Variants in RAP1B observed in about 807,000 individuals in gnomAD.
RAP1B encodes ras-related protein Rap-1b.
In RAP1B, 1 loss-of-function variant was observed where a neutral mutation model predicts 27.5. The observed-to-expected ratio is 0.04, with a 90% CI of 0.01 to 0.17. The LOEUF (loss-of-function observed/expected upper bound fraction) is 0.17. RAP1B is among the 10% of genes least tolerant of loss of function. RAP1B has a pLI of 1.00. For missense variants in RAP1B, 84 were observed against 214.8 expected, an observed-to-expected ratio of 0.39 and a Z score of 3.81; for synonymous variants, 75 against 73.1, an observed-to-expected ratio of 1.03 and a Z score of -0.13.
chr12:68,612,019 T>C (rs1000826329), intron 1 of RAP1B, among the ~76,000 whole-genome samples: 1 of 152,224 alleles, frequency 6.6e-6, no homozygotes, highest in African/African-American at 2.4e-5. Flanking sequence ...TTTAATAGTT[T>C]AGAAAAACAT....
chr12:68,644,592 A>G lies in RAP1B; in HGVS notation c.-26-4107A>G, dbSNP rs561824933. ...GAGCAAGACTCCATCTCAAAAAAAA[A>G]AGTCGAGCAGTGATTCTCAACTGAA... On this transcript the variant is annotated intron_variant, in intron 1 of 7. Transcript: ENST00000250559. 5.3e-5 allele frequency among the ~76,000 whole-genome samples: 8 copies of G among 151,730 alleles called. No individual in the cohort carries two copies. The South Asian group carries it at 1.5e-3, about 28-fold the overall frequency.
At chr12:68,633,278 G>T (rs1006525811) in intron 1 of RAP1B, among the ~76,000 whole-genome samples, 2 of 151,726 alleles carry the variant, frequency 1.3e-5, no homozygotes, top group African/African-American at 4.8e-5. Flanking sequence ...TCCCCAGAGC[G>T]CCCTCACTTT....
chr12:68,650,139 C>A, intron 2 of RAP1B: 1 of 229,640 alleles, frequency 4.4e-6, no homozygotes, highest in Non-Finnish European at 8.4e-6. Context: ...GGACTGAAAC[C>A]AGAGACATTT....
rs138589260 is a variant in RAP1B at position 68,625,907 on chromosome 12, C to T, written c.-27+14864C>T. On this transcript the variant is annotated intron_variant, in intron 1 of 7. Transcript: ENST00000250559. The stretch of plus-strand genomic sequence containing the variant: ...GCTGCACTCCAGTCTGGCGATAGAG[C>T]GAGACTCTGTCTCAAAAAAAAAAAA... 2.8e-3 allele frequency among the ~76,000 whole-genome samples: 411 copies of T among 149,128 alleles called. 3 individuals carry two copies. The highest frequency in any genetic ancestry group is 9.4e-3 in the African/African-American group (375 of 40,018).
At chr12:68,644,686 CTTTT>C (rs535569981) in intron 1 of RAP1B, among the ~76,000 whole-genome samples, 1 of 109,114 alleles carries the variant, frequency 9.2e-6, no homozygotes. Context: ...TTAAAAGTTA[CTTTT>C]TTTTTTTTTT....
intron 3 of RAP1B, chr12:68,650,769 C>T (rs1335054014): frequency 5.3e-5 from 9 of 169,080 alleles, no homozygotes; most frequent in Non-Finnish European, 1.1e-4. Flanking sequence ...ACTGATTACT[C>T]TCAAGCTCCC....
chr12:68,632,057 TTTTC>T (rs1872277025), intron 1 of RAP1B, among the ~76,000 whole-genome samples: 1 of 151,850 alleles, frequency 6.6e-6, no homozygotes, highest in African/African-American at 2.4e-5. Flanking sequence ...CAGGTTTTTT[TTTTC>T]TTTTTCTTTT....
chr12:68,614,426 A>G (rs1381753339), intron 1 of RAP1B, among the ~76,000 whole-genome samples: 4 of 152,214 alleles, frequency 2.6e-5, no homozygotes, highest in African/African-American at 9.6e-5. Context: ...ATTGATCTGC[A>G]GTTTCTAGAT....
At chr12:68,613,724 G>A (rs1170046880) in intron 1 of RAP1B, among the ~76,000 whole-genome samples, 1 of 152,126 alleles carries the variant, frequency 6.6e-6, no homozygotes, top group African/African-American at 2.4e-5. Context: ...AGTGTAGCGC[G>A]TTGCCTGGGC....
At chr12:68,656,967 A>T (rs1257654194) in intron 6 of RAP1B, 134 bp from the exon 7 acceptor site, 26 of 768,244 alleles carry the variant, frequency 3.4e-5, no homozygotes, top group Non-Finnish European at 5.3e-5. Flanking sequence ...ACCTGATTTT[A>T]TTCTCATTCC....
rs986214896 is a variant in RAP1B at position 68,670,580 on chromosome 12, G to T, written c.*11331G>T. On this transcript the variant is annotated 3_prime_UTR_variant, in exon 8 of 8. Coordinates refer to ENST00000250559, the MANE Select transcript of RAP1B (RefSeq NM_001010942.3). ...AATAAGCCCATCAGAAGTCAAAAAT[G>T]TAAGTCGAAAATGCATTTAATACCC... The T allele has an allele frequency of 6.6e-6, 1 of 152,124 alleles. No homozygotes were observed. The highest frequency in any genetic ancestry group is 1.5e-5 in the Non-Finnish European group (1 of 68,008). The allele number at this position is 152,124 out of a possible 1,614,324, so 9.4% of individuals were successfully genotyped here.
At position 68,664,718 on chromosome 12, in the gene RAP1B, G is replaced by GAA. The variant is rs201403727; in HGVS notation, c.*5477_*5478dup. 7 of 150,608 alleles carry GAA rather than the reference G, an allele frequency of 4.6e-5. No homozygotes were observed. Among genetic ancestry groups the GAA allele is most frequent in the African/African-American group, 1.7e-4 (7 of 41,004 alleles). 9.3% of individuals were successfully genotyped at this position (150,608 alleles called of 1,614,324 possible). On this transcript the variant is annotated 3_prime_UTR_variant, in exon 8 of 8. Transcript: ENST00000250559. ...AGTGAGACTGCAAAAAAAAGAAAAA[G>GAA]AAAAAAAAATCCAGTCTCTGCTGGC... is the stretch of plus-strand genomic sequence containing the variant.
intron 1 of RAP1B, among the ~76,000 whole-genome samples, 195 bp downstream of exon 1, chr12:68,611,238 C>T (rs935161816): frequency 1.3e-5 from 2 of 148,246 alleles, no homozygotes; most frequent in African/African-American, 4.9e-5. Flanking sequence ...GAGCGCGCTG[C>T]CTTGCGGGCC....
intron 5 of RAP1B, among the ~76,000 whole-genome samples, chr12:68,654,616 T>TA (rs999196694): frequency 6.6e-6 from 1 of 152,014 alleles, no homozygotes; most frequent in African/African-American, 2.4e-5. Flanking sequence ...TAGCTGGGAC[T>TA]ACAGGCGCCT....
chr12:68,631,569 C>T (rs913866019), intron 1 of RAP1B, among the ~76,000 whole-genome samples: 1 of 152,120 alleles, frequency 6.6e-6, no homozygotes, highest in Non-Finnish European at 1.5e-5. Context: ...TTTTCCTATT[C>T]CTTTGTGCCC....
chr12:68,611,578 C>G (rs985448059), intron 1 of RAP1B, among the ~76,000 whole-genome samples: 4 of 152,120 alleles, frequency 2.6e-5, no homozygotes, highest in African/African-American at 7.2e-5. Flanking sequence ...TCGGGGGAAA[C>G]CACTCCCAGG....
At chr12:68,616,730 G>C (rs540015754) in intron 1 of RAP1B, among the ~76,000 whole-genome samples, 9 of 151,986 alleles carry the variant, frequency 5.9e-5, no homozygotes, top group Admixed American at 2.6e-4. Flanking sequence ...CACCGCGCCC[G>C]GCCAGGTTTT....
At chr12:68,619,877 T>C (rs1459283206) in intron 1 of RAP1B, among the ~76,000 whole-genome samples, 2 of 152,212 alleles carry the variant, frequency 1.3e-5, no homozygotes, top group African/African-American at 2.4e-5. Flanking sequence ...GATTAGATAA[T>C]AGTTATTTTT....
chr12:68,618,086 CTTTTTTTTTTTT>C (rs36224976), intron 1 of RAP1B, among the ~76,000 whole-genome samples: 3 of 60,792 alleles, frequency 4.9e-5, no homozygotes, highest in East Asian at 1.3e-3. Flanking sequence ...TTCTATAAAG[CTTTTTTTTTTTT>C]TTTTTTTTTT....
Sources: allele counts gnomAD v4.1 joint callset (sites outside exome capture counted in the v4.1 genomes callset), GRCh38; gene constraint gnomAD v4.1.1; transcripts MANE v1.5; gene names NCBI Gene and HGNC (gene_info 2026-07-23, HGNC 2026-07-21).